The following DSCC1 variants were observed in gnomAD, a reference collection of about 807,000 sequenced individuals.
DSCC1 encodes the protein DNA replication and sister chromatid cohesion 1.
Under a neutral mutation model 48.2 loss-of-function variants are expected in DSCC1, and 32 were observed. The observed-to-expected ratio is 0.66, with a 90% CI of 0.50 to 0.89. The LOEUF (loss-of-function observed/expected upper bound fraction) is 0.89. DSCC1 is among the 40% of genes least tolerant of loss of function. The pLI is 0.00. For missense variants in DSCC1, 421 were observed against 471.7 expected (o/e 0.89, Z 1.00); for synonymous variants, 150 against 171.5 (o/e 0.87, Z 0.98).
chr8:119,838,147 G>A (rs1449584280), intron 8 of DSCC1, 112 bp downstream of exon 8: 8 of 1,184,630 alleles, frequency 6.8e-6, no homozygotes, highest in Non-Finnish European at 9.1e-6. Flanking sequence ...TAGGGAAGCA[G>A]TATCCTCAGG....
intron 4 of DSCC1, among the ~76,000 whole-genome samples, chr8:119,844,308 G>A (rs1487282693): frequency 6.6e-6 from 1 of 151,796 alleles, no homozygotes; most frequent in African/African-American, 2.4e-5. Flanking sequence ...GCGTGGTGGT[G>A]CACATCTGTA....
Position 119,849,184 on chromosome 8 carries a change from C to CAAAAAA in DSCC1, c.486+1192_486+1197dup, listed in dbSNP as rs550853227. Among the ~76,000 whole-genome samples the CAAAAAA allele has an allele frequency of 6.8e-4, 20 of 29,492 alleles. 4 individuals carry two copies. Among genetic ancestry groups the CAAAAAA allele is most frequent in the Non-Finnish European group, 8.2e-4 (13 of 15,934 alleles). 19.3% of individuals were successfully genotyped at this position (29,492 alleles called of 152,430 possible). A position where few individuals can be genotyped will look rare whatever the true frequency, so the allele number is the denominator to read the frequency against. On this transcript the variant is annotated intron_variant, in intron 3 of 8. Coordinates refer to ENST00000313655, the MANE Select transcript of DSCC1 (RefSeq NM_024094.3). ...TGGGCGACAGAGCGAGACTCCCTCT[C>CAAAAAA]AAAAAAAAAAAAAAAAAAAAAAGAC...
chr8:119,849,309 G>A (rs989506313), intron 3 of DSCC1, among the ~76,000 whole-genome samples: 3 of 152,024 alleles, frequency 2.0e-5, no homozygotes, highest in Admixed American at 6.6e-5. Context: ...GGGAGGCTGA[G>A]GCAGGAGAAT....
At chr8:119,845,178 C>T (rs371140542) in intron 4 of DSCC1, among the ~76,000 whole-genome samples, 2 of 151,792 alleles carry the variant, frequency 1.3e-5, no homozygotes, top group African/African-American at 4.8e-5. Context: ...CTCCACCTCC[C>T]GGGTTCAAAT....
intron 3 of DSCC1, among the ~76,000 whole-genome samples, chr8:119,847,373 A>C (rs1489784953): frequency 6.6e-6 from 1 of 152,196 alleles, no homozygotes; most frequent in Non-Finnish European, 1.5e-5. Context: ...AAAATAATAA[A>C]CTTTTGCACT....
Position 119,843,754 on chromosome 8 carries a change from A to C in DSCC1, c.578-7T>G. 6.3e-7 allele frequency: 1 copy of C among 1,597,864 alleles called. No individual in the cohort carries two copies. The highest frequency in any genetic ancestry group is 8.5e-7 in the Non-Finnish European group (1 of 1,176,078). ...TCAAGAATCCTCCAATAACCTACAA[A>C]TTTCAAAAGTTATATTTACCAAAGA... is the stretch of plus-strand genomic sequence containing the variant. On this transcript the variant is annotated splice_polypyrimidine_tract_variant and splice_region_variant and intron_variant, in intron 4 of 8. Transcript: ENST00000313655.
intron 3 of DSCC1, among the ~76,000 whole-genome samples, chr8:119,847,672 T>TC (rs1391726289): frequency 1.3e-5 from 2 of 151,390 alleles, no homozygotes; most frequent in Non-Finnish European, 2.9e-5. Flanking sequence ...TTTTTCTTTT[T>TC]TTTTTTTTTT....
chr8:119,841,720 G>A, intron 7 of DSCC1, 74 bp downstream of exon 7: 1 of 1,532,938 alleles, frequency 6.5e-7, no homozygotes, highest in South Asian at 1.2e-5. Flanking sequence ...TCCAAATTCA[G>A]CTCCAACTCA....
intron 8 of DSCC1, among the ~76,000 whole-genome samples, 199 bp from the exon 9 acceptor site, chr8:119,835,200 T>C (rs1031196475): frequency 2.6e-5 from 4 of 152,182 alleles, no homozygotes; most frequent in Non-Finnish European, 5.9e-5. Context: ...TTGTCTCATT[T>C]AACCCACACA....
Position 119,834,171 on chromosome 8 carries a change from T to C in DSCC1, c.*722A>G, listed in dbSNP as rs1454627779. 1 of 152,224 alleles carries C rather than the reference T, an allele frequency of 6.6e-6. No individual in the cohort carries two copies. Among genetic ancestry groups the C allele is most frequent in the East Asian group, 1.9e-4 (1 of 5,206 alleles). The allele number at this position is 152,224 out of a possible 1,614,324, so 9.4% of individuals were successfully genotyped here. On this transcript the variant is annotated 3_prime_UTR_variant, in exon 9 of 9. Transcript: ENST00000313655. ...CTGTCCTGGTGATGAGTTCATTAGC[T>C]AAGTTAAAATTAATTTGAACTTTGA...
At chr8:119,854,899 G>C (rs7010887) in intron 1 of DSCC1, among the ~76,000 whole-genome samples, 7,018 of 152,222 alleles carry the variant, frequency 0.046, 268 homozygotes, top group South Asian at 0.13. Context: ...ATTCCATTAA[G>C]AAAAAAGAGA....
At chr8:119,840,676 C>A (rs1467768998) in intron 7 of DSCC1, among the ~76,000 whole-genome samples, 3 of 152,048 alleles carry the variant, frequency 2.0e-5, no homozygotes, top group Admixed American at 6.6e-5. Context: ...CTTTGGGAGG[C>A]CAAGGTGGGC....
chr8:119,855,598 C>T lies in DSCC1; in HGVS notation c.182+16G>A. On this transcript the variant is annotated intron_variant, in intron 1 of 8. Transcript: ENST00000313655. The stretch of plus-strand genomic sequence containing the variant: ...GGCCGGCCAGAGGCTGGGGGCGCCG[C>T]GTGACCAGGGCTCACCTGTGTCCAT... 1 of 1,532,582 alleles carries T rather than the reference C, an allele frequency of 6.5e-7. No homozygotes were observed. The highest frequency in any genetic ancestry group is 1.2e-5 in the South Asian group (1 of 83,258). The allele number at this position is 1,532,582 out of a possible 1,614,324, so 94.9% of individuals were successfully genotyped here. A position where few individuals can be genotyped will look rare whatever the true frequency, so the allele number is the denominator to read the frequency against.
rs1361932560 is a variant in DSCC1, at chr8:119,843,623, T to G, written c.702A>C (p.Gly234=). The change falls in exon 5 of 9, where the codon GGA becomes GGC. Residue 234 remains glycine, a synonymous_variant. Coordinates refer to ENST00000313655, the MANE Select transcript of DSCC1 (RefSeq NM_024094.3). ...AAAATACTTACTCTGGCTCCAATGG[T>G]CCGAGTTCCTGAAGGCATGTGTTCA... ...VPLNTCLQEL[G]PLEPEEMIEH... 1 of 1,611,280 alleles carries G rather than the reference T, an allele frequency of 6.2e-7. No homozygotes were observed. Among genetic ancestry groups the G allele is most frequent in the Middle Eastern group, 1.7e-4 (1 of 6,042 alleles).
At chr8:119,845,329 A>G (rs1381202387) in intron 4 of DSCC1, among the ~76,000 whole-genome samples, 1 of 151,894 alleles carries the variant, frequency 6.6e-6, no homozygotes, top group East Asian at 1.9e-4. Context: ...CAGGTGGTCC[A>G]CTTGCCTTGG....
chr8:119,840,303 C>T (rs965023731), intron 7 of DSCC1: 2 of 152,128 alleles, frequency 1.3e-5, no homozygotes, highest in Admixed American at 6.5e-5. Flanking sequence ...GAAAGAATAG[C>T]GTGCTATCAA....
rs1020372918 is a variant in DSCC1 at position 119,838,396 on chromosome 8, C to A, written c.936G>T (p.Leu312=). 1.3e-6 allele frequency: 2 copies of A among 1,593,140 alleles called. No homozygotes were observed. Among genetic ancestry groups the A allele is most frequent in the Non-Finnish European group, 1.7e-6 (2 of 1,173,276 alleles). ...TSLDQLKGLA[L]VDRHSRPEII... ...TTTCTGGTCTCGAGTGTCTATCCAC[C>A]AGCGCTAAACCCTACAAGAAATGAG... The change falls in exon 8 of 9, where the codon CTG becomes CTT. Residue 312 remains leucine (L), a synonymous_variant. Coordinates refer to ENST00000313655, the MANE Select transcript of DSCC1 (RefSeq NM_024094.3).
chr8:119,847,199 A>C, intron 3 of DSCC1, 119 bp from the exon 4 acceptor site: 2 of 757,760 alleles, frequency 2.6e-6, no homozygotes, highest in Non-Finnish European at 4.3e-6. Flanking sequence ...GCACTAGCTC[A>C]GTTTCTTTTG....
chr8:119,836,637 C>T (rs1400540101), intron 8 of DSCC1, among the ~76,000 whole-genome samples: 2 of 151,928 alleles, frequency 1.3e-5, no homozygotes. Context: ...ACATGTTAAG[C>T]TTGAAATTCC....
Sources: gnomAD v4.1 joint callset for allele counts (sites outside exome capture counted in the v4.1 genomes callset) on GRCh38, gnomAD v4.1.1 for gene constraint, MANE v1.5 for transcripts, NCBI Gene and HGNC (gene_info 2026-07-23, HGNC 2026-07-21) for gene names.